The following ECT2 variants were observed in gnomAD, a reference collection of about 807,000 sequenced individuals.
ECT2 encodes epithelial cell transforming 2.
Under a neutral mutation model 116.9 loss-of-function variants are expected in ECT2, and 61 were observed. That is an observed-to-expected ratio of 0.52 (90% CI 0.42 to 0.65). The LOEUF is 0.65. ECT2 is among the 30% of genes least tolerant of loss of function. The pLI, the probability that ECT2 is intolerant of heterozygous loss-of-function variation, is 0.00. For missense variants in ECT2, 937 were observed against 1,078.7 expected (o/e 0.87, Z 1.84); for synonymous variants, 358 against 346.4 (o/e 1.03, Z -0.37).
In ECT2 at chr3:172,769,081, G is replaced by C. The variant is rs777508139; in HGVS notation, c.1366G>C (p.Val456Leu). ...VPSKQSARWQVAKELYQTESN... is the reference protein window; with the variant it reads ...VPSKQSARWQLAKELYQTESN... ...TTCAAAGCAGTCAGCAAGGTGGCAA[G>C]TTGCAAAAGAGCTTTATCAAACTGA... Residue 456 changes from valine (V) to leucine (L), a missense_variant, in exon 13 of 25, where the codon GTT becomes CTT. Transcript: ENST00000392692. 2 of 1,613,374 alleles carry C rather than the reference G, an allele frequency of 1.2e-6. No homozygotes were observed. Among genetic ancestry groups the C allele is most frequent in the Non-Finnish European group, 1.7e-6 (2 of 1,179,592 alleles).
chr3:172,765,755 C>G (rs1210968448), intron 12 of ECT2, among the ~76,000 whole-genome samples: 2 of 152,140 alleles, frequency 1.3e-5, no homozygotes, highest in African/African-American at 2.4e-5. Context: ...TTTTAAGTCC[C>G]TATGTAATCT....
At chr3:172,758,883 T>C (rs1717630128) in intron 5 of ECT2, 97 bp from the exon 6 acceptor site, 1 of 1,051,562 alleles carries the variant, frequency 9.5e-7, no homozygotes, top group South Asian at 1.5e-5. Flanking sequence ...GAAAGTTGAA[T>C]GGCAAGAGGG....
rs1052789581 is a variant in ECT2, at chr3:172,821,412, T to C, written c.*1175T>C. The C allele has an allele frequency of 2.6e-5, 4 of 151,976 alleles. No individual in the cohort carries two copies. Among genetic ancestry groups the C allele is most frequent in the Non-Finnish European group, 5.9e-5 (4 of 67,822 alleles). 9.4% of individuals were successfully genotyped at this position (151,976 alleles called of 1,614,324 possible). A position where few individuals can be genotyped will look rare whatever the true frequency, so the allele number is the denominator to read the frequency against. ...CTGAGAGTAGTAAATGACTCTTTGC[T>C]ACATTTTAAAAGCAATTGTATTAGT... On this transcript the variant is annotated 3_prime_UTR_variant, in exon 25 of 25. Transcript: ENST00000392692.
At chr3:172,819,158 T>G (rs535375969) in intron 24 of ECT2, among the ~76,000 whole-genome samples, 178 of 152,264 alleles carry the variant, frequency 1.2e-3, no homozygotes, top group African/African-American at 4.1e-3. Flanking sequence ...GTGAGGAAAG[T>G]GTAAACTTTT....
In ECT2 at chr3:172,753,014, G is replaced by T. The variant is rs1716224822; in HGVS notation, c.-22-1495G>T. ...GTCTGACATGTAGCTCTCGTTAAAG[G>T]TGGGTCCTCTGTATATTTGCCTAAT... On this transcript the variant is annotated intron_variant, in intron 1 of 24. Coordinates refer to ENST00000392692, the MANE Select transcript of ECT2 (RefSeq NM_001258315.2). Among the ~76,000 whole-genome samples the T allele has an allele frequency of 2.0e-5, 3 of 152,270 alleles. No homozygotes were observed. In the East Asian group the frequency reaches 5.8e-4, roughly 29 times the overall value.
intron 18 of ECT2, among the ~76,000 whole-genome samples, chr3:172,801,433 T>C (rs922205790): frequency 1.3e-4 from 20 of 152,210 alleles, no homozygotes. Context: ...CTGATTGATA[T>C]CACTGTTCCA....
intron 17 of ECT2, 44 bp from the exon 18 acceptor site, chr3:172,786,449 T>C (rs1248796381): frequency 7.7e-7 from 1 of 1,298,402 alleles, no homozygotes; most frequent in East Asian, 2.3e-5. Context: ...AGATGAGAAA[T>C]CACTGAATTT....
At chr3:172,786,630 A>G in intron 18 of ECT2, 56 bp downstream of exon 18, 2 of 1,156,560 alleles carry the variant, frequency 1.7e-6, no homozygotes, top group Non-Finnish European at 2.5e-6. Context: ...TGGAATTGAT[A>G]GAAAACTAGA....
downstream of ECT2, among the ~76,000 whole-genome samples, chr3:172,824,266 T>G (rs989284144): frequency 6.6e-6 from 1 of 152,222 alleles, no homozygotes; most frequent in Non-Finnish European, 1.5e-5. Flanking sequence ...CTCCCAGTTC[T>G]GCATGGCTGC....
At chr3:172,784,425 T>TAA (rs1723256705) in intron 16 of ECT2, among the ~76,000 whole-genome samples, 1 of 152,186 alleles carries the variant, frequency 6.6e-6, no homozygotes, top group Admixed American at 6.5e-5. Flanking sequence ...TAAATGTGCT[T>TAA]TTTCTTGTGA....
Position 172,808,491 on chromosome 3 carries a change from A to G in ECT2, c.2400+567A>G, listed in dbSNP as rs189098084. ...ATCATAAATATATAATTATCATTAT[A>G]CTATACAGATTAAAGTGAAAATAGA... On this transcript the variant is annotated intron_variant, in intron 22 of 24. Transcript: ENST00000392692. Among the ~76,000 whole-genome samples, 45 of 152,334 alleles carry G rather than the reference A, an allele frequency of 3.0e-4. 1 individual carries two copies. Among genetic ancestry groups the G allele is most frequent in the Admixed American group, 1.8e-3 (28 of 15,296 alleles).
At chr3:172,827,601 G>C in the ECT2 span, among the ~76,000 whole-genome samples, 3 of 152,202 alleles carry the variant, frequency 2.0e-5, no homozygotes, top group African/African-American at 4.8e-5. Context: ...AGATAGAGTA[G>C]AGTGACGGTT....
At chr3:172,811,187 C>T (rs1728713309) in intron 22 of ECT2, among the ~76,000 whole-genome samples, 1 of 151,836 alleles carries the variant, frequency 6.6e-6, no homozygotes. Flanking sequence ...GACTAAAAAG[C>T]AGAAAGTTTT....
At chr3:172,784,604 GT>G (rs1217731117) in intron 16 of ECT2, 102 bp from the exon 17 acceptor site, 4 of 809,826 alleles carry the variant, frequency 4.9e-6, no homozygotes, top group Non-Finnish European at 8.3e-6. Flanking sequence ...TTCTCTATTA[GT>G]TTGTATCACA....
chr3:172,777,776 G>C (rs1462392948), intron 14 of ECT2, among the ~76,000 whole-genome samples: 2 of 152,168 alleles, frequency 1.3e-5, no homozygotes, highest in African/African-American at 4.8e-5. Context: ...GCGCATGCCT[G>C]TAGTTCCAAC....
At chr3:172,806,651 GTTTTTT>G (rs71162314) in intron 21 of ECT2, among the ~76,000 whole-genome samples, 3 of 77,548 alleles carry the variant, frequency 3.9e-5, no homozygotes, top group African/African-American at 1.0e-4. Context: ...TTTTTTGTGG[GTTTTTT>G]TTTTTTTTTT....
chr3:172,791,233 G>A (rs1037346029), intron 18 of ECT2, among the ~76,000 whole-genome samples: 1 of 152,142 alleles, frequency 6.6e-6, no homozygotes, highest in South Asian at 2.1e-4. Context: ...AGGCAGAGTC[G>A]ATTTAGCATA....
At chr3:172,797,281 G>A (rs13060628) in intron 18 of ECT2, among the ~76,000 whole-genome samples, 2 of 151,472 alleles carry the variant, frequency 1.3e-5, no homozygotes, top group Non-Finnish European at 2.9e-5. Flanking sequence ...GCAATCCACC[G>A]GCCTAGGTCT....
intron 22 of ECT2, among the ~76,000 whole-genome samples, chr3:172,813,107 A>ATTAAG (rs1455612172): frequency 6.6e-6 from 1 of 152,132 alleles, no homozygotes; most frequent in Admixed American, 6.6e-5. Context: ...GAACCAACCA[A>ATTAAG]AAACTATTAG....
Sources: gnomAD v4.1 joint callset for allele counts (sites outside exome capture counted in the v4.1 genomes callset) on GRCh38, gnomAD v4.1.1 for gene constraint, MANE v1.5 for transcripts, NCBI Gene and HGNC (gene_info 2026-07-23, HGNC 2026-07-21) for gene names.